Variants in EML1 observed in about 807,000 individuals in gnomAD.
EML1 encodes the protein echinoderm microtubule-associated protein-like 1.
Under a neutral mutation model 110.4 loss-of-function variants are expected in EML1, and 27 were observed. The observed-to-expected ratio is 0.24, with a 90% CI of 0.18 to 0.34. The LOEUF (loss-of-function observed/expected upper bound fraction) is 0.34, where lower values mean the gene tolerates loss of function less well. Among genes scored for constraint, EML1 ranks in the 10% least tolerant of loss-of-function variants. EML1 has a pLI of 1.00. For synonymous variants in EML1, 344 were observed against 385.8 expected, an observed-to-expected ratio of 0.89 and a Z score of 1.27; for missense variants, 741 against 1,030.9, an observed-to-expected ratio of 0.72 and a Z score of 3.85.
upstream of EML1, among the ~76,000 whole-genome samples, chr14:99,770,377 TTCTA>T (rs143789356): frequency 9.6e-4 from 144 of 150,306 alleles, no homozygotes; most frequent in Middle Eastern, 3.4e-3. Flanking sequence ...AAAAATTTCT[TTCTA>T]TCTATCTATC....
chr14:99,918,539 T>G (rs2060072706), intron 16 of EML1, among the ~76,000 whole-genome samples: 1 of 152,246 alleles, frequency 6.6e-6, no homozygotes, highest in South Asian at 2.1e-4. Context: ...TTTCTACTCC[T>G]GGTCACAGTG....
chr14:99,755,242 G>A (rs1281631752), intron 1 of EML1, among the ~76,000 whole-genome samples: 1 of 152,256 alleles, frequency 6.6e-6, no homozygotes, highest in Non-Finnish European at 1.5e-5. Flanking sequence ...TGAAGGAGAT[G>A]GACCGTGGAG....
At chr14:99,805,442 A>G (rs1375027586) in intron 1 of EML1, among the ~76,000 whole-genome samples, 1 of 152,030 alleles carries the variant, frequency 6.6e-6, no homozygotes, top group South Asian at 2.1e-4. Flanking sequence ...CAGCAGCCAT[A>G]TTCTATTTAC....
intron 1 of EML1, among the ~76,000 whole-genome samples, chr14:99,740,448 A>G (rs115637046): frequency 0.021 from 3,142 of 152,310 alleles, 102 homozygotes; most frequent in African/African-American, 0.072. Context: ...CATTGCCTCC[A>G]ATAGCTTGCA....
At chr14:99,807,723 G>T (rs879594327) in intron 1 of EML1, among the ~76,000 whole-genome samples, 1 of 152,214 alleles carries the variant, frequency 6.6e-6, no homozygotes, top group Non-Finnish European at 1.5e-5. Flanking sequence ...AGCCCACGCA[G>T]GGGAGAGAGG....
chr14:99,828,480 G>A (rs2058396415), intron 1 of EML1, among the ~76,000 whole-genome samples: 1 of 152,144 alleles, frequency 6.6e-6, no homozygotes, highest in Non-Finnish European at 1.5e-5. Flanking sequence ...CAAAGCTCAA[G>A]AGTAGTGATG....
At chr14:99,897,121 A>C (rs941458330) in intron 6 of EML1, 24 bp from the exon 7 acceptor site, 6 of 1,506,134 alleles carry the variant, frequency 4.0e-6, no homozygotes, top group Non-Finnish European at 5.3e-6. Context: ...AGGGAAAAAA[A>C]ATTTTATCTT....
intron 3 of EML1, among the ~76,000 whole-genome samples, chr14:99,867,223 A>C (rs1369126119): frequency 6.6e-6 from 1 of 152,160 alleles, no homozygotes; most frequent in Non-Finnish European, 1.5e-5. Flanking sequence ...CATCTTGATT[A>C]CTATTGCTTT....
intron 17 of EML1, among the ~76,000 whole-genome samples, chr14:99,930,238 A>G (rs2060343024): frequency 6.6e-6 from 1 of 152,254 alleles, no homozygotes; most frequent in African/African-American, 2.4e-5. Context: ...GCAGCAGTTG[A>G]GAACTAAATG....
At chr14:99,740,700 GCT>G (rs2057032089) in intron 1 of EML1, among the ~76,000 whole-genome samples, 1 of 152,144 alleles carries the variant, frequency 6.6e-6, no homozygotes, top group Non-Finnish European at 1.5e-5. Context: ...TCTAGGCTTG[GCT>G]CTGTCTCTTC....
intron 1 of EML1, among the ~76,000 whole-genome samples, chr14:99,846,866 C>T (rs2058715236): frequency 6.6e-6 from 1 of 152,092 alleles, no homozygotes; most frequent in South Asian, 2.1e-4. Context: ...TTATTGAGTT[C>T]TCACTGTATG....
intron 1 of EML1, among the ~76,000 whole-genome samples, chr14:99,834,110 C>G (rs1439421582): frequency 2.6e-5 from 4 of 152,058 alleles, no homozygotes; most frequent in African/African-American, 9.7e-5. Context: ...GAGTGTTTAT[C>G]AGAAATGGAT....
At chr14:99,880,015 T>C (rs974100384) in intron 4 of EML1, among the ~76,000 whole-genome samples, 4 of 152,192 alleles carry the variant, frequency 2.6e-5, no homozygotes, top group Non-Finnish European at 4.4e-5. Context: ...TGGGTAAATA[T>C]TTCCATAGAA....
At position 99,882,342 on chromosome 14, in the gene EML1, A is replaced by G. The variant is rs563566349; in HGVS notation, c.518+3723A>G. Among the ~76,000 whole-genome samples, 16 of 152,338 alleles carry G rather than the reference A, an allele frequency of 1.1e-4. No homozygotes were observed. In the South Asian group the frequency reaches 3.3e-3, roughly 32 times the overall value. On this transcript the variant is annotated intron_variant, in intron 4 of 21. Transcript: ENST00000262233. ...CTTATTTAGAAGCACGGTTCATGTT[A>G]GATGTTGCTAGATTGATAAAGCATT...
rs546052142 is a variant in EML1, at chr14:99,906,360, G to T, written c.1009-1278G>T. On this transcript the variant is annotated intron_variant, in intron 9 of 21. Transcript: ENST00000262233. ...GACAGAGCAGCCCCGAGGGCTGCTG[G>T]TTGCCTATTTCCATGGTTATTTCTT... Among the ~76,000 whole-genome samples the T allele has an allele frequency of 7.9e-5, 12 of 152,350 alleles. No homozygotes were observed. The East Asian group carries it at 2.1e-3, about 27-fold the overall frequency.
chr14:99,868,612 G>T (rs970219129), intron 3 of EML1, among the ~76,000 whole-genome samples: 2 of 152,046 alleles, frequency 1.3e-5, no homozygotes, highest in African/African-American at 4.8e-5. Flanking sequence ...CTTGTTCACA[G>T]TGGTCTCTTA....
chr14:99,863,695 A>G (rs1241370629), intron 2 of EML1, among the ~76,000 whole-genome samples: 4 of 152,146 alleles, frequency 2.6e-5, no homozygotes, highest in Non-Finnish European at 5.9e-5. Context: ...CTCATATTCC[A>G]TTGTATGGAT....
intron 1 of EML1, among the ~76,000 whole-genome samples, chr14:99,824,198 G>T (rs145498165): frequency 6.6e-6 from 1 of 152,102 alleles, no homozygotes; most frequent in African/African-American, 2.4e-5. Context: ...GACCTCAGGC[G>T]ATCCACCCGC....
intron 1 of EML1, among the ~76,000 whole-genome samples, chr14:99,783,894 C>T (rs943188540): frequency 1.3e-5 from 2 of 152,192 alleles, no homozygotes; most frequent in African/African-American, 4.8e-5. Context: ...TGTGGTTAGT[C>T]TGTGGCATGC....
Sources: allele counts gnomAD v4.1 joint callset (sites outside exome capture counted in the v4.1 genomes callset), GRCh38; gene constraint gnomAD v4.1.1; transcripts MANE v1.5; gene names NCBI Gene and HGNC (gene_info 2026-07-23, HGNC 2026-07-21).